The following CECR2 variants were observed in gnomAD, a reference collection of about 807,000 sequenced individuals.
CECR2 encodes the protein CECR2 histone acetyl-lysine reader, also known as chromatin remodeling regulator CECR2.
A neutral mutation model predicts 154.5 loss-of-function variants in CECR2; 30 were observed. The observed-to-expected ratio is 0.19, with a 90% confidence interval of 0.15 to 0.26. The LOEUF (loss-of-function observed/expected upper bound fraction) is 0.26. Ranked by LOEUF, CECR2 falls within the 10% of genes least tolerant of loss-of-function variation. The pLI is 1.00. For missense variants in CECR2, 1,743 were observed against 1,829.3 expected (o/e 0.95, Z 0.86); for synonymous variants, 725 against 683.7 (o/e 1.06, Z -0.94).
At chr22:17,450,308 G>C (rs2054748246) in intron 1 of CECR2, among the ~76,000 whole-genome samples, 1 of 152,180 alleles carries the variant, frequency 6.6e-6, no homozygotes, top group African/African-American at 2.4e-5. Context: ...GTCTCACTCT[G>C]TCGCCAGGCT....
chr22:17,378,362 T>A (rs1433967560), intron 1 of CECR2, among the ~76,000 whole-genome samples: 1 of 150,010 alleles, frequency 6.7e-6, no homozygotes, highest in Non-Finnish European at 1.5e-5. Context: ...AGTGGCACGA[T>A]CTCGGCTCAC....
chr22:17,549,659 C>A, intron 17 of CECR2, 95 bp downstream of exon 17: 2 of 1,138,752 alleles, frequency 1.8e-6, no homozygotes, highest in Non-Finnish European at 2.5e-6. Context: ...GTCACCCAGG[C>A]TGGAGTGCAG....
chr22:17,413,929 G>A (rs1022527538), intron 1 of CECR2, among the ~76,000 whole-genome samples: 12 of 148,828 alleles, frequency 8.1e-5, no homozygotes, highest in South Asian at 2.1e-4. Flanking sequence ...CGCCCACCTC[G>A]GCCTCCCAAA....
At chr22:17,437,377 T>C (rs972311353) in intron 1 of CECR2, among the ~76,000 whole-genome samples, 1 of 152,130 alleles carries the variant, frequency 6.6e-6, no homozygotes, top group Non-Finnish European at 1.5e-5. Context: ...ATCGGCCAGC[T>C]TAGTCTCCAG....
At chr22:17,546,485 CAAAAAAAAAA>C (rs35754406) in intron 16 of CECR2, among the ~76,000 whole-genome samples, 3 of 67,656 alleles carry the variant, frequency 4.4e-5, no homozygotes, top group East Asian at 9.6e-4. Flanking sequence ...GACTCTGTCT[CAAAAAAAAAA>C]AAAAAAAAAA....
In CECR2 at chr22:17,459,566, G is replaced by A. The variant is rs117525811; in HGVS notation, c.127-18022G>A. On this transcript the variant is annotated intron_variant, in intron 1 of 18. Coordinates refer to ENST00000262608, the MANE Select transcript of CECR2 (RefSeq NM_001290047.2). Reference sequence around the variant, plus strand: ...GAGTTCAAGGGACTCCCCCGGCGTCGGCCTCACAAAGTGTTGGGATTACAG... The same window carrying A: ...GAGTTCAAGGGACTCCCCCGGCGTCAGCCTCACAAAGTGTTGGGATTACAG... 7.9e-3 allele frequency among the ~76,000 whole-genome samples: 1,207 copies of A among 151,988 alleles called. 70 individuals carry two copies. In the East Asian group the frequency reaches 0.15, roughly 19 times the overall value.
At chr22:17,487,153 A>G (rs933250381) in intron 2 of CECR2, among the ~76,000 whole-genome samples, 3 of 152,238 alleles carry the variant, frequency 2.0e-5, no homozygotes, top group Admixed American at 1.3e-4. Flanking sequence ...TCTTTGCAAC[A>G]CTACATACTT....
chr22:17,506,797 G>A (rs1439244717), intron 7 of CECR2, among the ~76,000 whole-genome samples: 1 of 152,096 alleles, frequency 6.6e-6, no homozygotes, highest in Non-Finnish European at 1.5e-5. Context: ...GGGACTATAG[G>A]CGTGCGCCAC....
intron 1 of CECR2, among the ~76,000 whole-genome samples, chr22:17,370,302 T>C (rs1367193984): frequency 7.6e-6 from 1 of 131,500 alleles, no homozygotes; most frequent in Non-Finnish European, 1.6e-5. Flanking sequence ...AGCCAGCTGC[T>C]CCGGCGGGGC....
chr22:17,409,642 T>TGG (rs2054037044), intron 1 of CECR2, among the ~76,000 whole-genome samples: 2 of 112,658 alleles, frequency 1.8e-5, no homozygotes, highest in Non-Finnish European at 4.2e-5. Context: ...TCCTCGCCTC[T>TGG]CTTCCCAACC....
At position 17,537,365 on chromosome 22, in the gene CECR2, G is replaced by A. The variant is rs143212099; in HGVS notation, c.1238+133G>A. The A allele has an allele frequency of 5.3e-4, 563 of 1,060,322 alleles. 3 individuals carry two copies. In the African/African-American group the frequency reaches 7.0e-3, roughly 13 times the overall value. The allele number at this position is 1,060,322 out of a possible 1,614,324, so 65.7% of individuals were successfully genotyped here. ...GTCACCATGTGTGAGTGAACAGGGC[G>A]GGCCCTGCACACACAGACACGCCTA... is the stretch of plus-strand genomic sequence containing the variant. On this transcript the variant is annotated intron_variant, in intron 10 of 18. Transcript: ENST00000262608.
intron 8 of CECR2, among the ~76,000 whole-genome samples, chr22:17,520,391 G>T (rs985502918): frequency 6.6e-6 from 1 of 151,788 alleles, no homozygotes; most frequent in South Asian, 2.1e-4. Context: ...CTTTGACAAG[G>T]CTCAGGTTTT....
intron 1 of CECR2, among the ~76,000 whole-genome samples, chr22:17,448,357 A>G (rs1039534884): frequency 6.6e-6 from 1 of 152,198 alleles, no homozygotes; most frequent in Non-Finnish European, 1.5e-5. Flanking sequence ...TTCTTTTATC[A>G]TTAAGTTTTT....
chr22:17,399,609 G>T (rs1005735444), intron 1 of CECR2, among the ~76,000 whole-genome samples: 10 of 152,028 alleles, frequency 6.6e-5, no homozygotes, highest in Non-Finnish European at 1.3e-4. Context: ...GTAGAGACGG[G>T]GTTTCACTGT....
At chr22:17,365,513 T>A (rs1320035431), upstream of CECR2, among the ~76,000 whole-genome samples, 3 of 151,210 alleles carry the variant, frequency 2.0e-5, no homozygotes, top group Middle Eastern at 3.4e-3. Context: ...GCTAACACGG[T>A]GAAACCCCGT....
At chr22:17,538,910 T>TCATTATC (rs1400106647) in intron 12 of CECR2, 83 bp from the exon 13 acceptor site, 2 of 1,504,660 alleles carry the variant, frequency 1.3e-6, no homozygotes, top group East Asian at 2.3e-5. Context: ...TGCTGAATTC[T>TCATTATC]CATTATCTCT....
Position 17,447,196 on chromosome 22 carries a change from G to T in CECR2, c.127-30392G>T, listed in dbSNP as rs112959300. Among the ~76,000 whole-genome samples, 13 of 149,604 alleles carry T rather than the reference G, an allele frequency of 8.7e-5. No homozygotes were observed. In the South Asian group the frequency reaches 1.9e-3, roughly 22 times the overall value. On this transcript the variant is annotated intron_variant, in intron 1 of 18. Coordinates refer to ENST00000262608, the MANE Select transcript of CECR2 (RefSeq NM_001290047.2). ...ACTACAGGTGCTGGCCACCATGCCC[G>T]GCTAATTTTTTGTGTTTTTTAGTAG...
chr22:17,460,799 TCC>T (rs1487268868), intron 1 of CECR2, among the ~76,000 whole-genome samples: 5 of 152,206 alleles, frequency 3.3e-5, no homozygotes, highest in African/African-American at 1.2e-4. Flanking sequence ...CAGCTTTCTC[TCC>T]CACAAAGTGA....
chr22:17,402,168 A>G (rs1002756005), intron 1 of CECR2, among the ~76,000 whole-genome samples: 1 of 152,136 alleles, frequency 6.6e-6, no homozygotes, highest in Admixed American at 6.6e-5. Context: ...TATTTTTAGT[A>G]GAGACGGGAT....
Sources: gnomAD v4.1 joint callset for allele counts (sites outside exome capture counted in the v4.1 genomes callset) on GRCh38, gnomAD v4.1.1 for gene constraint, MANE v1.5 for transcripts, NCBI Gene and HGNC (gene_info 2026-07-23, HGNC 2026-07-21) for gene names.